The following FYB1 variants were observed in gnomAD, a reference collection of about 807,000 sequenced individuals.
FYB1 encodes the protein FYN-binding protein 1.
Under a neutral mutation model 94.1 loss-of-function variants are expected in FYB1, and 41 were observed. That is an observed-to-expected ratio of 0.44 (90% CI 0.34 to 0.57). The LOEUF is 0.57. FYB1 is among the 20% of genes least tolerant of loss of function. The pLI is 0.02. For missense variants in FYB1, 1,050 were observed against 976.8 expected (o/e 1.07, Z -1.00); for synonymous variants, 367 against 353.2 (o/e 1.04, Z -0.44).
intron 2 of FYB1, among the ~76,000 whole-genome samples, chr5:39,180,566 T>C (rs995939408): frequency 6.6e-6 from 1 of 152,208 alleles, no homozygotes; most frequent in African/African-American, 2.4e-5. Context: ...CCCCTACTTT[T>C]GTTCTCTGGC....
intron 2 of FYB1, among the ~76,000 whole-genome samples, chr5:39,191,312 C>T (rs1364306167): frequency 6.6e-6 from 1 of 152,176 alleles, no homozygotes; most frequent in Non-Finnish European, 1.5e-5. Flanking sequence ...TACTGCCACC[C>T]CTGGAAACAC....
intron 1 of FYB1, among the ~76,000 whole-genome samples, chr5:39,226,913 A>G (rs1020197351): frequency 2.6e-5 from 4 of 152,206 alleles, no homozygotes; most frequent in African/African-American, 9.7e-5. Flanking sequence ...GGCATTCTCT[A>G]TCTCTTATCT....
intron 2 of FYB1, among the ~76,000 whole-genome samples, chr5:39,194,655 C>T (rs1335593933): frequency 6.6e-6 from 1 of 152,122 alleles, no homozygotes; most frequent in Non-Finnish European, 1.5e-5. Flanking sequence ...AGTTTGTTTG[C>T]TGGCTTATCT....
intron 1 of FYB1, among the ~76,000 whole-genome samples, chr5:39,271,232 A>G (rs1752654557): frequency 6.6e-6 from 1 of 152,218 alleles, no homozygotes; most frequent in Non-Finnish European, 1.5e-5. Flanking sequence ...AATGCCATTC[A>G]TTTCCCTAAA....
intron 2 of FYB1, among the ~76,000 whole-genome samples, chr5:39,190,776 G>GTGTGTGTGTGTA (rs1747280736): frequency 6.6e-6 from 1 of 151,598 alleles, no homozygotes; most frequent in Admixed American, 6.6e-5. Context: ...ATTTGTGTGT[G>GTGTGTGTGTGTA]TGTGTGTGTG....
chr5:39,189,695 T>TA (rs1242548263), intron 2 of FYB1, among the ~76,000 whole-genome samples: 4 of 152,208 alleles, frequency 2.6e-5, no homozygotes, highest in African/African-American at 9.6e-5. Context: ...GAGCCTGAGT[T>TA]ACAAAATACC....
intron 1 of FYB1, among the ~76,000 whole-genome samples, chr5:39,228,238 T>C (rs2150566159): frequency 6.6e-6 from 1 of 152,292 alleles, no homozygotes; most frequent in Non-Finnish European, 1.5e-5. Context: ...AGAGACTGTC[T>C]TTGGGAAGCA....
chr5:39,234,155 C>T (rs1256965767), intron 1 of FYB1, among the ~76,000 whole-genome samples: 1 of 152,046 alleles, frequency 6.6e-6, no homozygotes, highest in Admixed American at 6.6e-5. Flanking sequence ...ATCACCACAG[C>T]ACATATGTCA....
chr5:39,150,544 T>C (rs1290022725), intron 3 of FYB1, among the ~76,000 whole-genome samples: 1 of 152,186 alleles, frequency 6.6e-6, no homozygotes, highest in Non-Finnish European at 1.5e-5. Flanking sequence ...ACTCTTGAGA[T>C]CTTTAGATCT....
At chr5:39,155,648 A>G (rs1743681198) in intron 2 of FYB1, among the ~76,000 whole-genome samples, 1 of 151,492 alleles carries the variant, frequency 6.6e-6, no homozygotes, top group Admixed American at 6.6e-5. Flanking sequence ...TAAACAGTAC[A>G]TTTTCTCCTA....
At chr5:39,255,021 A>C (rs960258708) in intron 1 of FYB1, among the ~76,000 whole-genome samples, 2 of 152,100 alleles carry the variant, frequency 1.3e-5, no homozygotes, top group African/African-American at 4.8e-5. Flanking sequence ...TTGAAGTGTT[A>C]ATAGTGGTTT....
intron 2 of FYB1, among the ~76,000 whole-genome samples, chr5:39,155,303 T>C (rs959146925): frequency 2.6e-5 from 4 of 152,230 alleles, no homozygotes; most frequent in African/African-American, 9.6e-5. Flanking sequence ...CCCTTCTTCC[T>C]GGAGTCTTAA....
chr5:39,265,299 G>A (rs1037465936), intron 1 of FYB1, among the ~76,000 whole-genome samples: 16 of 152,092 alleles, frequency 1.1e-4, no homozygotes, highest in African/African-American at 3.9e-4. Context: ...GGCTAACATG[G>A]TGAAACCCCA....
chr5:39,208,915 A>G (rs1210680638), intron 1 of FYB1: 1 of 152,202 alleles, frequency 6.6e-6, no homozygotes, highest in Non-Finnish European at 1.5e-5. Context: ...GATTCAAGCA[A>G]TTCAAATTTT....
chr5:39,204,495 T>C (rs1220576251), intron 1 of FYB1, among the ~76,000 whole-genome samples: 1 of 152,200 alleles, frequency 6.6e-6, no homozygotes, highest in Non-Finnish European at 1.5e-5. Context: ...AAATTATTAT[T>C]AGAACTGTTA....
chr5:39,186,250 C>T (rs1040427763), intron 2 of FYB1, among the ~76,000 whole-genome samples: 1 of 152,046 alleles, frequency 6.6e-6, no homozygotes, highest in African/African-American at 2.4e-5. Flanking sequence ...ATGGTGAAAC[C>T]CCGTCTCTAC....
At chr5:39,205,611 C>T (rs936174147) in intron 1 of FYB1, among the ~76,000 whole-genome samples, 2 of 152,098 alleles carry the variant, frequency 1.3e-5, no homozygotes, top group Admixed American at 6.6e-5. Flanking sequence ...AATACCCTAG[C>T]CCATGATCAA....
intron 1 of FYB1, among the ~76,000 whole-genome samples, chr5:39,246,063 G>T (rs1339832585): frequency 6.6e-6 from 1 of 152,208 alleles, no homozygotes; most frequent in African/African-American, 2.4e-5. Flanking sequence ...AAGAAAGTCT[G>T]CTTTTTTCTT....
chr5:39,189,422 T>C (rs891302085), intron 2 of FYB1, among the ~76,000 whole-genome samples: 3 of 152,248 alleles, frequency 2.0e-5, no homozygotes, highest in Non-Finnish European at 2.9e-5. Flanking sequence ...TGACTATCAA[T>C]AGCAACAGAA....
Sources: gnomAD v4.1 joint callset for allele counts (sites outside exome capture counted in the v4.1 genomes callset) on GRCh38, gnomAD v4.1.1 for gene constraint, MANE v1.5 for transcripts, NCBI Gene and HGNC (gene_info 2026-07-23, HGNC 2026-07-21) for gene names.